Variants in KLHL1 observed in about 807,000 individuals in gnomAD.
KLHL1 encodes kelch-like protein 1.
In KLHL1, 47 loss-of-function variants were observed where a neutral mutation model predicts 77.7. That is an observed-to-expected ratio of 0.60 (90% CI 0.48 to 0.77). The LOEUF (loss-of-function observed/expected upper bound fraction) is 0.77. Ranked by LOEUF, KLHL1 falls within the 30% of genes least tolerant of loss-of-function variation. The probability of loss-of-function intolerance (pLI) is 0.00; values close to 1 mark genes in which losing one functional copy is unlikely to be tolerated. For missense variants in KLHL1, 925 were observed against 910.8 expected, an observed-to-expected ratio of 1.02 and a Z score of -0.20; for synonymous variants, 360 against 325.2, an observed-to-expected ratio of 1.11 and a Z score of -1.15.
chr13:69,773,703 A>G (rs1056989871), intron 7 of KLHL1, among the ~76,000 whole-genome samples: 1 of 151,894 alleles, frequency 6.6e-6, no homozygotes, highest in African/African-American at 2.4e-5. Flanking sequence ...ACACTCTACA[A>G]TTAAATTTAA....
intron 1 of KLHL1, among the ~76,000 whole-genome samples, chr13:70,041,707 G>A: frequency 6.6e-6 from 1 of 152,088 alleles, no homozygotes; most frequent in Admixed American, 6.5e-5. Flanking sequence ...CCCCAGTGGA[G>A]TGGGGTAGAA....
chr13:69,773,897 G>T (rs9572272), intron 7 of KLHL1, among the ~76,000 whole-genome samples: 61,591 of 150,118 alleles, frequency 0.41, 12,966 homozygotes, highest in African/African-American at 0.51. Context: ...AGAATAAAAC[G>T]TATTGTGGGA....
intron 6 of KLHL1, among the ~76,000 whole-genome samples, chr13:69,807,168 C>T (rs1478376565): frequency 6.6e-6 from 1 of 152,178 alleles, no homozygotes; most frequent in Non-Finnish European, 1.5e-5. Context: ...ATACTCACTG[C>T]TCTGCAAGGA....
chr13:69,787,457 A>G (rs989050711), intron 7 of KLHL1, among the ~76,000 whole-genome samples: 2 of 152,244 alleles, frequency 1.3e-5, no homozygotes, highest in African/African-American at 4.8e-5. Context: ...GGCTAGCCAT[A>G]TGTAGAAAGC....
At chr13:70,013,323 A>T (rs1214934459) in intron 1 of KLHL1, among the ~76,000 whole-genome samples, 1 of 152,210 alleles carries the variant, frequency 6.6e-6, no homozygotes, top group African/African-American at 2.4e-5. Context: ...GTCAGCAAAT[A>T]CCAATGGTAA....
intron 6 of KLHL1, among the ~76,000 whole-genome samples, chr13:69,836,820 TG>T (rs1454578425): frequency 6.6e-6 from 1 of 151,848 alleles, no homozygotes; most frequent in Non-Finnish European, 1.5e-5. Flanking sequence ...TACCATAGGC[TG>T]TTACTACTGA....
At chr13:69,789,493 T>C (rs184262721) in intron 7 of KLHL1, among the ~76,000 whole-genome samples, 2 of 152,154 alleles carry the variant, frequency 1.3e-5, no homozygotes, top group Non-Finnish European at 2.9e-5. Flanking sequence ...AGTTGACTAC[T>C]TTTTTCATCA....
At chr13:69,705,499 T>G (rs1161842377) in intron 10 of KLHL1, among the ~76,000 whole-genome samples, 1 of 151,710 alleles carries the variant, frequency 6.6e-6, no homozygotes, top group Admixed American at 6.6e-5. Context: ...AATAACCAAT[T>G]TAGTCCACTT....
chr13:69,729,861 A>G (rs1470946319), intron 8 of KLHL1, among the ~76,000 whole-genome samples: 1 of 152,202 alleles, frequency 6.6e-6, no homozygotes, highest in Non-Finnish European at 1.5e-5. Context: ...AATTTTGGCA[A>G]TGTAAGAATT....
chr13:69,887,457 T>C (rs1311298990), intron 4 of KLHL1, among the ~76,000 whole-genome samples: 3 of 152,190 alleles, frequency 2.0e-5, no homozygotes, highest in Non-Finnish European at 4.4e-5. Flanking sequence ...GCTTCCCTTT[T>C]GATTTTAAAT....
chr13:69,990,549 C>A (rs1171602170), intron 1 of KLHL1, among the ~76,000 whole-genome samples: 1 of 151,922 alleles, frequency 6.6e-6, no homozygotes, highest in Non-Finnish European at 1.5e-5. Flanking sequence ...GACTTTAAAC[C>A]AACAAAGATC....
In KLHL1 at chr13:69,701,176, G is replaced by A. The variant is rs9542033; in HGVS notation, c.*526C>T. The A allele has an allele frequency of 0.025, 3,841 of 152,266 alleles. 64 individuals are homozygous for A. The highest frequency in any genetic ancestry group is 0.044 in the Middle Eastern group (13 of 294). The allele number at this position is 152,266 out of a possible 1,614,324, so 9.4% of individuals were successfully genotyped here. On this transcript the variant is annotated 3_prime_UTR_variant, in exon 11 of 11. Coordinates refer to ENST00000377844, the MANE Select transcript of KLHL1 (RefSeq NM_020866.3). ...TTTCTCTAATTGTTCTCATAGCTTA[G>A]GAAAATGAGGCAGAAGCAGGTTTGT... is the stretch of plus-strand genomic sequence containing the variant.
chr13:69,954,800 T>TACACACACACAC (rs34668618), intron 3 of KLHL1, among the ~76,000 whole-genome samples: 18 of 149,578 alleles, frequency 1.2e-4, no homozygotes, highest in African/African-American at 3.4e-4. Flanking sequence ...CTAAATGTTT[T>TACACACACACAC]ACACACACAC....
chr13:69,879,938 A>G (rs768156284), intron 5 of KLHL1, among the ~76,000 whole-genome samples: 2 of 152,222 alleles, frequency 1.3e-5, no homozygotes, highest in Non-Finnish European at 2.9e-5. Context: ...TGGTAACTAA[A>G]GAAATAAATG....
intron 1 of KLHL1, among the ~76,000 whole-genome samples, chr13:70,002,921 A>G: frequency 6.6e-6 from 1 of 151,440 alleles, no homozygotes; most frequent in Non-Finnish European, 1.5e-5. Flanking sequence ...AAGTATTTTC[A>G]TTATTTTTAT....
intron 7 of KLHL1, among the ~76,000 whole-genome samples, chr13:69,793,628 T>TA (rs2138032473): frequency 6.6e-6 from 1 of 152,240 alleles, no homozygotes; most frequent in South Asian, 2.1e-4. Flanking sequence ...TATAATATGT[T>TA]ATTATATATT....
At chr13:69,763,930 A>G (rs547422987) in intron 7 of KLHL1, among the ~76,000 whole-genome samples, 70 of 151,362 alleles carry the variant, frequency 4.6e-4, no homozygotes, top group Non-Finnish European at 9.0e-4. Context: ...TGAAGTAACC[A>G]TTTTTTTTTC....
chr13:69,854,989 A>T (rs1257627910), intron 5 of KLHL1, among the ~76,000 whole-genome samples: 1 of 152,070 alleles, frequency 6.6e-6, no homozygotes, highest in Non-Finnish European at 1.5e-5. Flanking sequence ...TAATGAAAAC[A>T]CTTATTTGTA....
chr13:70,049,777 C>T (rs1001944061), intron 1 of KLHL1, among the ~76,000 whole-genome samples: 2 of 151,986 alleles, frequency 1.3e-5, no homozygotes, highest in Non-Finnish European at 2.9e-5. Flanking sequence ...GTTTCGAGAA[C>T]ATCATGTTAG....
Sources: gnomAD v4.1 joint callset for allele counts (sites outside exome capture counted in the v4.1 genomes callset) on GRCh38, gnomAD v4.1.1 for gene constraint, MANE v1.5 for transcripts, NCBI Gene and HGNC (gene_info 2026-07-23, HGNC 2026-07-21) for gene names.